SLC6A3: variants seen among roughly 807,000 people sequenced by gnomAD.
SLC6A3 encodes sodium-dependent dopamine transporter.
In SLC6A3, 19 loss-of-function variants were observed where a neutral mutation model predicts 70.4. That is an observed-to-expected ratio of 0.27 (90% CI 0.19 to 0.40). The LOEUF is 0.40. Ranked by LOEUF, SLC6A3 falls within the 10% of genes least tolerant of loss-of-function variation. The probability of loss-of-function intolerance (pLI) is 1.00; values close to 1 mark genes in which losing one functional copy is unlikely to be tolerated. For missense variants in SLC6A3, 613 were observed against 838.5 expected (o/e 0.73, Z 3.32); for synonymous variants, 368 against 356.6 (o/e 1.03, Z -0.36).
chr5:1,402,453 T>A lies in SLC6A3; in HGVS notation c.1767+469A>T, dbSNP rs1393825113. 6.6e-6 allele frequency among the ~76,000 whole-genome samples: 1 copy of A among 152,002 alleles called. No individual in the cohort carries two copies. Among genetic ancestry groups the A allele is most frequent in the African/African-American group, 2.4e-5 (1 of 41,360 alleles). On this transcript the variant is annotated intron_variant, in intron 13 of 14. Transcript: ENST00000270349. This position sits in a 1 kb window ranked among gnomAD's most constrained non-coding sequence, Gnocchi z 8.5. ...GGGCTCGGCCCTGGGGGGACCTAGA[T>A]CACCCCTGATTCTACCGCCCTCAGA... is the stretch of plus-strand genomic sequence containing the variant.
chr5:1,409,956 G>A (rs779595520), intron 9 of SLC6A3, 107 bp from the exon 10 acceptor site: 171 of 1,431,496 alleles, frequency 1.2e-4, no homozygotes, highest in Non-Finnish European at 1.6e-4. Flanking sequence ...GGATGGACAC[G>A]GAACAGGGGC....
intron 7 of SLC6A3, among the ~76,000 whole-genome samples, chr5:1,415,188 G>A (rs1293845037): frequency 6.6e-6 from 1 of 152,118 alleles, no homozygotes; most frequent in African/African-American, 2.4e-5. Flanking sequence ...GTCTCATGGG[G>A]TCTCGGGGGC....
chr5:1,423,168 A>G (rs1360040873), intron 4 of SLC6A3, among the ~76,000 whole-genome samples: 1 of 103,904 alleles, frequency 9.6e-6, no homozygotes, highest in Non-Finnish European at 1.9e-5. Context: ...AGTGCTGCCC[A>G]CGCTGCTGGG....
chr5:1,436,507 C>A lies in SLC6A3; in HGVS notation c.419-3809G>T, dbSNP rs531996522. 6.6e-6 allele frequency among the ~76,000 whole-genome samples: 1 copy of A among 152,172 alleles called. No homozygotes were observed. Among genetic ancestry groups the A allele is most frequent in the African/African-American group, 2.4e-5 (1 of 41,430 alleles). ...CCTGTCTGACTCCCAGGAAGCTCGG[C>A]GCTAAGTGTGAATTTCAAGCATAGC... is the stretch of plus-strand genomic sequence containing the variant. On this transcript the variant is annotated intron_variant, in intron 3 of 14. Transcript: ENST00000270349. This position sits in a 1 kb window ranked among gnomAD's most constrained non-coding sequence, Gnocchi z 5.2.
intron 1 of SLC6A3, 39 bp from the exon 2 acceptor site, chr5:1,443,281 C>G: frequency 2.0e-6 from 3 of 1,495,220 alleles, no homozygotes; most frequent in Non-Finnish European, 1.9e-6. Flanking sequence ...AACAGGAACG[C>G]AACAATTCAG....
intron 4 of SLC6A3, among the ~76,000 whole-genome samples, chr5:1,423,977 G>T (rs1756521914): frequency 1.3e-5 from 2 of 152,198 alleles, no homozygotes; most frequent in South Asian, 4.1e-4. Context: ...CTTTCCACCA[G>T]CTGCAAGGCA....
chr5:1,424,956 C>T (rs1216529913), intron 4 of SLC6A3, among the ~76,000 whole-genome samples: 1 of 152,248 alleles, frequency 6.6e-6, no homozygotes, highest in East Asian at 1.9e-4. Context: ...CTGTGCGTCT[C>T]CCAGCATGTC....
intron 3 of SLC6A3, among the ~76,000 whole-genome samples, chr5:1,439,021 C>T (rs1034493495): frequency 2.6e-5 from 4 of 152,232 alleles, no homozygotes; most frequent in South Asian, 2.1e-4. Context: ...ACGTCCGTGC[C>T]GCTGGCCAGG....
chr5:1,403,196 C>T, intron 12 of SLC6A3, 107 bp from the exon 13 acceptor site: 1 of 1,333,692 alleles, frequency 7.5e-7, no homozygotes, highest in Non-Finnish European at 1.0e-6. Flanking sequence ...GCCCCCACAG[C>T]TGTGCAGGTG....
Position 1,394,830 on chromosome 5 carries a change from G to C in SLC6A3, c.1840-72C>G. ...TTTAAGAGCAGCTGAAGGTGGCTAA[G>C]AGCAGCTGAAGGCAGTGAGCAGACA... is the stretch of plus-strand genomic sequence containing the variant. On this transcript the variant is annotated intron_variant, in intron 14 of 14. Coordinates refer to ENST00000270349, the MANE Select transcript of SLC6A3 (RefSeq NM_001044.5). The surrounding 1 kb of genome is among the most constrained non-coding windows in gnomAD (Gnocchi z 4.7). 1 of 1,555,628 alleles carries C rather than the reference G, an allele frequency of 6.4e-7. No individual in the cohort carries two copies. The highest frequency in any genetic ancestry group is 8.9e-7 in the Non-Finnish European group (1 of 1,128,220).
chr5:1,436,291 G>A lies in SLC6A3; in HGVS notation c.419-3593C>T, dbSNP rs939453814. On this transcript the variant is annotated intron_variant, in intron 3 of 14. Transcript: ENST00000270349. This position sits in a 1 kb window ranked among gnomAD's most constrained non-coding sequence, Gnocchi z 5.2. ...CCAGACGCAGGAAACCCACTACCCT[G>A]TTGGCTACAGAACCTTCTAGTGATC... is the stretch of plus-strand genomic sequence containing the variant. Among the ~76,000 whole-genome samples the A allele has an allele frequency of 6.6e-6, 1 of 152,224 alleles. No individual in the cohort carries two copies. Among genetic ancestry groups the A allele is most frequent in the Non-Finnish European group, 1.5e-5 (1 of 68,038 alleles).
At chr5:1,439,496 C>T (rs1756921461) in intron 3 of SLC6A3, among the ~76,000 whole-genome samples, 1 of 152,350 alleles carries the variant, frequency 6.6e-6, no homozygotes, top group East Asian at 1.9e-4. Flanking sequence ...TGTCCAGTCT[C>T]AGCATTTCCA....
At chr5:1,444,829 C>T (rs972989687) in intron 1 of SLC6A3, among the ~76,000 whole-genome samples, 1 of 152,226 alleles carries the variant, frequency 6.6e-6, no homozygotes, top group African/African-American at 2.4e-5. Context: ...GCGCCCAGAA[C>T]AAGAAGCGGC....
At chr5:1,410,955 T>A (rs539188285) in intron 9 of SLC6A3, among the ~76,000 whole-genome samples, 1 of 147,922 alleles carries the variant, frequency 6.8e-6, no homozygotes, top group East Asian at 1.9e-4. Context: ...CGTGTATGTG[T>A]GTGTGTGCAT....
At position 1,394,051 on chromosome 5, in the gene SLC6A3, T is replaced by C. The variant is rs1755652703; in HGVS notation, c.*684A>G. The stretch of plus-strand genomic sequence containing the variant: ...TGAGTGGCAGTAGCCTGAGCTGGTT[T>C]CAAGGAGTTTTATTTCTCTCTGCTG... On this transcript the variant is annotated 3_prime_UTR_variant, in exon 15 of 15. Transcript: ENST00000270349. The surrounding 1 kb of genome is among the most constrained non-coding windows in gnomAD (Gnocchi z 4.7). 1 of 156,424 alleles carries C rather than the reference T, an allele frequency of 6.4e-6. No homozygotes were observed. Among genetic ancestry groups the C allele is most frequent in the African/African-American group, 2.4e-5 (1 of 41,490 alleles). 9.7% of individuals were successfully genotyped at this position (156,424 alleles called of 1,614,324 possible).
intron 3 of SLC6A3, among the ~76,000 whole-genome samples, chr5:1,435,987 G>A (rs9312866): frequency 0.16 from 21,413 of 131,298 alleles, 2,655 homozygotes; most frequent in Non-Finnish European, 0.2. Context: ...CCCTTGAACA[G>A]TGGTGGCCAG....
rs576487244 is a variant in SLC6A3 at position 1,401,655 on chromosome 5, G to A, written c.1768-669C>T. On this transcript the variant is annotated intron_variant, in intron 13 of 14. Coordinates refer to ENST00000270349, the MANE Select transcript of SLC6A3 (RefSeq NM_001044.5). The surrounding 1 kb of genome is among the most constrained non-coding windows in gnomAD (Gnocchi z 6.1). ...AATTCCACTTGTACCTGGCTCAGCT[G>A]CTGAGGTTTTACTTGGCTTACGTTC... Among the ~76,000 whole-genome samples the A allele has an allele frequency of 2.0e-5, 3 of 152,218 alleles. No homozygotes were observed. Among genetic ancestry groups the A allele is most frequent in the Non-Finnish European group, 2.9e-5 (2 of 68,038 alleles).
intron 3 of SLC6A3, among the ~76,000 whole-genome samples, chr5:1,434,670 G>T (rs1033585372): frequency 3.5e-4 from 53 of 152,132 alleles, no homozygotes; most frequent in African/African-American, 1.3e-3. Context: ...GATTAGTTTG[G>T]GTACAACTTT....
chr5:1,432,759 AC>A, intron 3 of SLC6A3, 61 bp from the exon 4 acceptor site: 1 of 1,195,552 alleles, frequency 8.4e-7, no homozygotes, highest in Non-Finnish European at 1.2e-6. Flanking sequence ...ACCATCAGCA[AC>A]GTGTCCCTTC....
Sources: allele counts gnomAD v4.1 joint callset (sites outside exome capture counted in the v4.1 genomes callset), GRCh38; gene constraint gnomAD v4.1.1; non-coding constraint Gnocchi (gnomAD v3.1); transcripts MANE v1.5; gene names NCBI Gene and HGNC (gene_info 2026-07-23, HGNC 2026-07-21).